ABCC3: variants seen among roughly 807,000 people sequenced by gnomAD.
The protein encoded by ABCC3 is ATP binding cassette subfamily C member 3, also known as ATP-binding cassette sub-family C member 3.
A neutral mutation model predicts 165.3 loss-of-function variants in ABCC3; 121 were observed. That is an observed-to-expected ratio of 0.73 (90% CI 0.63 to 0.85). The LOEUF (loss-of-function observed/expected upper bound fraction) is 0.85. ABCC3 is among the 40% of genes least tolerant of loss of function. The probability of loss-of-function intolerance (pLI) is 0.00; values close to 1 mark genes in which losing one functional copy is unlikely to be tolerated. For synonymous variants in ABCC3, 733 were observed against 810.1 expected, an observed-to-expected ratio of 0.90 and a Z score of 1.62; for missense variants, 1,869 against 1,964.1, an observed-to-expected ratio of 0.95 and a Z score of 0.92.
At chr17:50,655,429 A>AAAC (rs1967215879) in intron 1 of ABCC3, among the ~76,000 whole-genome samples, 1 of 146,214 alleles carries the variant, frequency 6.8e-6, no homozygotes, top group Admixed American at 6.9e-5. Flanking sequence ...AAACAAAAAC[A>AAAC]AAAAAAAAAG....
rs774267610 is a variant in ABCC3, at chr17:50,672,958, C to G, written c.2242-13C>G. 3.1e-6 allele frequency: 5 copies of G among 1,611,034 alleles called. No individual in the cohort carries two copies. Among genetic ancestry groups the G allele is most frequent in the South Asian group, 1.1e-5 (1 of 90,952 alleles). On this transcript the variant is annotated splice_polypyrimidine_tract_variant and intron_variant, in intron 17 of 30. Transcript: ENST00000285238. ...GTCTGACCCCATTTTTCCCACCCCC[C>G]GCCTCCCTCCAGGGCATTAACCTGT...
chr17:50,634,899 G>T lies in ABCC3; in HGVS notation c.-38G>T. 8.0e-7 allele frequency: 1 copy of T among 1,248,880 alleles called. No individual in the cohort carries two copies. The highest frequency in any genetic ancestry group is 3.3e-5 in the South Asian group (1 of 30,246). The allele number at this position is 1,248,880 out of a possible 1,614,324, so 77.4% of individuals were successfully genotyped here. On this transcript the variant is annotated 5_prime_UTR_variant, in exon 1 of 31. Coordinates refer to ENST00000285238, the MANE Select transcript of ABCC3 (RefSeq NM_003786.4). ...GCCCGCTCTGCCCGCCGCTGGGTCCGACCGCGCTCGCCTTCCTTGCAGCCG... is the reference window on the plus strand; with the variant it reads ...GCCCGCTCTGCCCGCCGCTGGGTCCTACCGCGCTCGCCTTCCTTGCAGCCG...
At chr17:50,671,128 T>C (rs1403715332) in intron 17 of ABCC3, among the ~76,000 whole-genome samples, 2 of 151,968 alleles carry the variant, frequency 1.3e-5, no homozygotes, top group Admixed American at 6.6e-5. Flanking sequence ...TGATGGCGTG[T>C]GCCTGTAGTC....
chr17:50,644,096 A>G lies in ABCC3; in HGVS notation c.45+9115A>G, dbSNP rs190275116. Reference sequence around the variant, plus strand: ...GGGAGGCTGAGGCGGGCGGATCACAAGGTCAGGAGTTCGAGACCAGCCTGA... The same window carrying G: ...GGGAGGCTGAGGCGGGCGGATCACAGGGTCAGGAGTTCGAGACCAGCCTGA... On this transcript the variant is annotated intron_variant, in intron 1 of 30. Coordinates refer to ENST00000285238, the MANE Select transcript of ABCC3 (RefSeq NM_003786.4). Among the ~76,000 whole-genome samples, 3 of 151,102 alleles carry G rather than the reference A, an allele frequency of 2.0e-5. No homozygotes were observed. The East Asian group carries it at 6.0e-4, about 30-fold the overall frequency.
At chr17:50,664,476 G>A (rs1036491008) in intron 10 of ABCC3, 6 of 253,784 alleles carry the variant, frequency 2.4e-5, no homozygotes, top group East Asian at 1.0e-4. Flanking sequence ...AGACCAAGGC[G>A]GGTGGATCAC....
Position 50,656,824 on chromosome 17 carries a change from C to A in ABCC3, c.345C>A (p.Thr115=). 2 of 1,608,730 alleles carry A rather than the reference C, an allele frequency of 1.2e-6. No homozygotes were observed. The highest frequency in any genetic ancestry group is 8.5e-7 in the Non-Finnish European group (1 of 1,177,648). ...FFVTPLVVGV[T]MLLATLLIQY... Reference sequence around the variant, plus strand: ...TCACCCCCTTGGTGGTGGGGGTCACCATGGTCAGTGTGGGGCCCTGGGAAA... The same window carrying A: ...TCACCCCCTTGGTGGTGGGGGTCACAATGGTCAGTGTGGGGCCCTGGGAAA... Residue 115 remains threonine (T), a synonymous_variant, in exon 3 of 31, where the codon ACC becomes ACA. Transcript: ENST00000285238.
In ABCC3 at chr17:50,675,581, T is replaced by TG. The variant is rs761198370; in HGVS notation, c.2715-44dup. On this transcript the variant is annotated intron_variant, in intron 20 of 30. Coordinates refer to ENST00000285238, the MANE Select transcript of ABCC3 (RefSeq NM_003786.4). ...TCCCTGACACTCCCAGCCTCTGTCCTGGGGGGTGCTTGAGGCCCCCTCCCT... is the reference window on the plus strand; with the variant it reads ...TCCCTGACACTCCCAGCCTCTGTCCTGGGGGGGTGCTTGAGGCCCCCTCCCT... The TG allele has an allele frequency of 9.0e-6, 14 of 1,563,074 alleles. No individual in the cohort carries two copies. The East Asian group carries it at 2.8e-4, about 31-fold the overall frequency.
chr17:50,684,585 T>C, intron 28 of ABCC3, 124 bp from the exon 29 acceptor site: 1 of 1,068,500 alleles, frequency 9.4e-7, no homozygotes, highest in Admixed American at 2.8e-5. Flanking sequence ...TTGTGTCCTC[T>C]GGGGAGCTGG....
chr17:50,663,710 T>C lies in ABCC3; in HGVS notation c.1028T>C (p.Met343Thr). Reference sequence around the variant, plus strand: ...CTGATCAGGTTTATCTCCAACCCCATGGCCCCCTCCTGGTGGGGCTTCCTG... The same window carrying C: ...CTGATCAGGTTTATCTCCAACCCCACGGCCCCCTCCTGGTGGGGCTTCCTG... ...SILIRFISNP[M>T]APSWWGFLVA... The change falls in exon 9 of 31, where the codon ATG (methionine) becomes ACG (threonine). Residue 343 changes from methionine (M) to threonine (T), a missense_variant. Met to Thr is a moderately conservative substitution (Grantham distance 81, BLOSUM62 -1). Transcript: ENST00000285238. 4 of 1,614,208 alleles carry C rather than the reference T, an allele frequency of 2.5e-6. No individual in the cohort carries two copies. The highest frequency in any genetic ancestry group is 4.5e-5 in the East Asian group (2 of 44,870).
In ABCC3 at chr17:50,678,090, T is replaced by C. The variant is rs762241037; in HGVS notation, c.3579-3T>C. The stretch of plus-strand genomic sequence containing the variant: ...CATTTCCTCCTCATCTGATCCCCCA[T>C]AGGTGGCTGAGCATCGGAGTGGAGT... On this transcript the variant is annotated splice_polypyrimidine_tract_variant and splice_region_variant and intron_variant, in intron 24 of 30. Coordinates refer to ENST00000285238, the MANE Select transcript of ABCC3 (RefSeq NM_003786.4). 5.0e-6 allele frequency: 8 copies of C among 1,606,698 alleles called. No homozygotes were observed. The East Asian group carries it at 1.1e-4, about 22-fold the overall frequency.
intron 1 of ABCC3, 109 bp downstream of exon 1, chr17:50,635,090 C>G (rs2054166082): frequency 1.0e-5 from 12 of 1,176,224 alleles, no homozygotes; most frequent in Admixed American, 8.2e-5. Flanking sequence ...CGGGACGGAG[C>G]CCCTGAGACG....
At chr17:50,656,952 G>A in intron 3 of ABCC3, 94 bp from the exon 4 acceptor site, 3 of 1,551,544 alleles carry the variant, frequency 1.9e-6, no homozygotes, top group Admixed American at 1.9e-5. Flanking sequence ...GAAGGGGGTG[G>A]CCCCAGAAAC....
intron 19 of ABCC3, 45 bp downstream of exon 19, chr17:50,673,703 T>C: frequency 6.3e-7 from 1 of 1,590,936 alleles, no homozygotes; most frequent in Non-Finnish European, 8.6e-7. Flanking sequence ...CTTCCCAGCA[T>C]TCCCCCTGTC....
intron 19 of ABCC3, among the ~76,000 whole-genome samples, chr17:50,673,983 T>TTTCTTTCTTTCTCC (rs1967728136): frequency 2.0e-4 from 1 of 4,954 alleles, no homozygotes; most frequent in East Asian, 4.2e-3. Context: ...TTTCTTTCTC[T>TTTCTTTCTTTCTCC]CTCTCTCTCT....
Position 50,642,857 on chromosome 17 carries a change from A to G in ABCC3, c.45+7876A>G, listed in dbSNP as rs367586329. 1.7e-4 allele frequency among the ~76,000 whole-genome samples: 26 copies of G among 152,310 alleles called. No homozygotes were observed. The East Asian group carries it at 1.7e-3, about 10-fold the overall frequency. On this transcript the variant is annotated intron_variant, in intron 1 of 30. Transcript: ENST00000285238. The stretch of plus-strand genomic sequence containing the variant: ...AACATGCACACTCCCTTGTGAGTCA[A>G]TGGCCCCGTGTGGCATCACAAAGCC...
chr17:50,684,570 G>A, intron 28 of ABCC3, 139 bp from the exon 29 acceptor site: 1 of 885,616 alleles, frequency 1.1e-6, no homozygotes, highest in Admixed American at 3.1e-5. Context: ...CTATCTCTTT[G>A]GCCATTGTGT....
chr17:50,677,953 C>G lies in ABCC3; in HGVS notation c.3578+10C>G. The stretch of plus-strand genomic sequence containing the variant: ...ACATCATCTCCAACCGGTCAGAAGC[C>G]GCCTCCCTCGCTCCCTGCTCCTCCA... On this transcript the variant is annotated intron_variant, in intron 24 of 30. Transcript: ENST00000285238. The G allele has an allele frequency of 6.2e-7, 1 of 1,614,108 alleles. No homozygotes were observed. The highest frequency in any genetic ancestry group is 1.1e-5 in the South Asian group (1 of 91,080).
intron 11 of ABCC3, 79 bp from the exon 12 acceptor site, chr17:50,667,475 G>A: frequency 7.8e-7 from 1 of 1,282,452 alleles, no homozygotes; most frequent in East Asian, 2.4e-5. Flanking sequence ...GGATGAGAAT[G>A]GATGGAAGGT....
Position 50,658,493 on chromosome 17 carries a change from C to G in ABCC3, c.671C>G (p.Thr224Arg), listed in dbSNP as rs565265611. The part of the protein sequence containing the change: ...FLSRLFFWWF[T>R]KMAIYGYRHP... Reference sequence around the variant, plus strand: ...TCCCGCCTGTTTTTCTGGTGGTTCACAAAGTGAGTTGGCTCTTCCACCAGC... The same window carrying G: ...TCCCGCCTGTTTTTCTGGTGGTTCAGAAAGTGAGTTGGCTCTTCCACCAGC... The change falls in exon 6 of 31, where the codon ACA (threonine) becomes AGA (arginine). Residue 224 changes from threonine to arginine, a missense_variant. Transcript: ENST00000285238. 1 of 1,613,880 alleles carries G rather than the reference C, an allele frequency of 6.2e-7. No individual in the cohort carries two copies.
Sources: allele counts gnomAD v4.1 joint callset (sites outside exome capture counted in the v4.1 genomes callset), GRCh38; gene constraint gnomAD v4.1.1; transcripts MANE v1.5; gene names NCBI Gene and HGNC (gene_info 2026-07-23, HGNC 2026-07-21).